The following SEPTIN12 variants were observed in gnomAD, a reference collection of about 807,000 sequenced individuals.
SEPTIN12 encodes septin-12.
SEPTIN12 carries 42 observed loss-of-function variants against 37.7 expected under a neutral mutation model. The observed-to-expected ratio is 1.11, with a 90% confidence interval of 0.87 to 1.44. The LOEUF (loss-of-function observed/expected upper bound fraction) is 1.44. Ranked by LOEUF, SEPTIN12 falls within the 40% of genes most tolerant of loss-of-function variation. The pLI, the probability that SEPTIN12 is intolerant of heterozygous loss-of-function variation, is 0.00. For synonymous variants in SEPTIN12, 254 were observed against 196.7 expected (o/e 1.29, Z -2.44); for missense variants, 613 against 479.2 (o/e 1.28, Z -2.61).
At chr16:4,791,012 A>G (rs911104097), upstream of SEPTIN12, among the ~76,000 whole-genome samples, 12 of 152,194 alleles carry the variant, frequency 7.9e-5, no homozygotes, top group African/African-American at 2.9e-4. Context: ...TTAGTGGATG[A>G]ACAAATGGCT....
upstream of SEPTIN12, chr16:4,789,888 C>T (rs944871303): frequency 6.6e-6 from 1 of 151,396 alleles, no homozygotes; most frequent in African/African-American, 2.4e-5. Context: ...TTTCTTTTTT[C>T]TTTCTTTTCT....
chr16:4,787,036 T>C (rs976782363), intron 2 of SEPTIN12, among the ~76,000 whole-genome samples: 1 of 152,006 alleles, frequency 6.6e-6, no homozygotes, highest in Non-Finnish European at 1.5e-5. Context: ...CCACCACGCC[T>C]GGCAAATTTT....
At position 4,787,579 on chromosome 16, in the gene SEPTIN12, G is replaced by T. The variant is rs769580169; in HGVS notation, c.67C>A (p.Pro23Thr). The change falls in exon 2 of 10, where the codon CCC becomes ACC. Residue 23 changes from proline to threonine, a missense_variant. Physicochemically the swap from Pro to Thr is conservative, Grantham distance 38 (BLOSUM62 -1). Transcript: ENST00000268231. ...CCCACAGGACCAAGCATCTCGCAGG[G>T]TGGGGTGCTGGGGCTGGAGGGCTGC... ...SSQPSSPSTP[P>T]CEMLGPVGIE... The T allele has an allele frequency of 4.3e-6, 7 of 1,609,372 alleles. No individual in the cohort carries two copies. Among genetic ancestry groups the T allele is most frequent in the Non-Finnish European group, 5.9e-6 (7 of 1,179,710 alleles).
intron 4 of SEPTIN12, 49 bp downstream of exon 4, chr16:4,785,750 CCTGGGTGA>C: frequency 7.6e-7 from 1 of 1,307,236 alleles, no homozygotes; most frequent in East Asian, 2.3e-5. Context: ...TGCACTCCAG[CCTGGGTGA>C]CAAGAGTGAA....
chr16:4,789,909 CTTTCTTTTT>C (rs1271902139), upstream of SEPTIN12: 1 of 132,396 alleles, frequency 7.6e-6, no homozygotes, highest in Non-Finnish European at 1.5e-5. Flanking sequence ...CCTTTCTTTT[CTTTCTTTTT>C]TTTTTTTCTT....
At chr16:4,785,746 C>G (rs1204421789) in intron 4 of SEPTIN12, 61 bp downstream of exon 4, 2 of 1,283,558 alleles carry the variant, frequency 1.6e-6, no homozygotes, top group Non-Finnish European at 2.3e-6. Flanking sequence ...CCATTGCACT[C>G]CAGCCTGGGT....
chr16:4,788,920 G>A (rs7203234), upstream of SEPTIN12: 152,333 of 152,340 alleles, frequency 1, 76,163 homozygotes, highest in Middle Eastern at 1. Context: ...TATCTTAGAG[G>A]TTATCACCCT....
At chr16:4,783,161 G>T (rs550229851) in intron 7 of SEPTIN12, among the ~76,000 whole-genome samples, 1 of 152,048 alleles carries the variant, frequency 6.6e-6, no homozygotes, top group Non-Finnish European at 1.5e-5. Flanking sequence ...TGCCTGCCTC[G>T]GCCTCCCAAA....
upstream of SEPTIN12, among the ~76,000 whole-genome samples, chr16:4,790,528 G>A (rs949390074): frequency 2.0e-5 from 3 of 152,186 alleles, no homozygotes; most frequent in African/African-American, 7.2e-5. Flanking sequence ...GTTGACTCAT[G>A]CTTGTAATCC....
At chr16:4,781,262 A>C (rs1427147297) in intron 7 of SEPTIN12, among the ~76,000 whole-genome samples, 1 of 151,282 alleles carries the variant, frequency 6.6e-6, no homozygotes, top group Non-Finnish European at 1.5e-5. Context: ...CCATCTAAAA[A>C]AAAAAAAAAG....
At chr16:4,785,058 C>G (rs1020517140) in intron 4 of SEPTIN12, among the ~76,000 whole-genome samples, 1 of 151,986 alleles carries the variant, frequency 6.6e-6, no homozygotes, top group Non-Finnish European at 1.5e-5. Context: ...ACCAGCCTGG[C>G]CAACGTGGTG....
Position 4,783,791 on chromosome 16 carries a change from G to C in SEPTIN12, c.513-25C>G. On this transcript the variant is annotated intron_variant, in intron 5 of 9. Transcript: ENST00000268231. ...GCTGCCGGAGGCAGGGCAGTGATGGGGGTGGCGGTGGTGGTGAGTGTATAA... is the reference window on the plus strand; with the variant it reads ...GCTGCCGGAGGCAGGGCAGTGATGGCGGTGGCGGTGGTGGTGAGTGTATAA... The C allele has an allele frequency of 3.7e-6, 6 of 1,608,920 alleles. No homozygotes were observed. In the South Asian group the frequency reaches 6.6e-5, roughly 18 times the overall value.
rs2082435449 is a variant in SEPTIN12 at position 4,785,894 on chromosome 16, G to GA, written c.293-7dup. 6.2e-7 allele frequency: 1 copy of GA among 1,613,304 alleles called. No homozygotes were observed. Among genetic ancestry groups the GA allele is most frequent in the Non-Finnish European group, 8.5e-7 (1 of 1,179,412 alleles). ...CACACCCTTCTCCTCTATGACTGTGGAGGGAGAGCAGAGTCGGGAGAGACT... is the reference window on the plus strand; with the variant it reads ...CACACCCTTCTCCTCTATGACTGTGGAAGGGAGAGCAGAGTCGGGAGAGACT... On this transcript the variant is annotated splice_polypyrimidine_tract_variant and splice_region_variant and intron_variant, in intron 3 of 9. Coordinates refer to ENST00000268231, the MANE Select transcript of SEPTIN12 (RefSeq NM_144605.5).
chr16:4,789,860 A>C (rs936220600), upstream of SEPTIN12: 1 of 150,824 alleles, frequency 6.6e-6, no homozygotes, highest in Non-Finnish European at 1.5e-5. Flanking sequence ...TGTCCTTGCT[A>C]TTGGCAAATG....
chr16:4,790,544 C>T (rs1389661646), upstream of SEPTIN12, among the ~76,000 whole-genome samples: 1 of 152,238 alleles, frequency 6.6e-6, no homozygotes, highest in Non-Finnish European at 1.5e-5. Context: ...AATCCCAGCA[C>T]TTCAGGAGGC....
intron 5 of SEPTIN12, 51 bp from the exon 6 acceptor site, chr16:4,783,817 A>T (rs1457265344): frequency 6.3e-7 from 1 of 1,581,042 alleles, no homozygotes; most frequent in Non-Finnish European, 8.7e-7. Flanking sequence ...GAGTGTATAA[A>T]CGACAGCAGC....
Position 4,777,908 on chromosome 16 carries a change from G to A in SEPTIN12, c.966C>T (p.Pro322=). ...VIRLNESHLL[P]RGPGWVNLAP... Reference sequence around the variant, plus strand: ...CCAGGTTCACCCAGCCGGGCCCGCGGGGCAGCAGGTGGCTTTCATTGAGTC... The same window carrying A: ...CCAGGTTCACCCAGCCGGGCCCGCGAGGCAGCAGGTGGCTTTCATTGAGTC... Residue 322 remains proline, a synonymous_variant, in exon 10 of 10, where the codon CCC becomes CCT. Coordinates refer to ENST00000268231, the MANE Select transcript of SEPTIN12 (RefSeq NM_144605.5). 1.2e-6 allele frequency: 2 copies of A among 1,602,920 alleles called. No individual in the cohort carries two copies. Among genetic ancestry groups the A allele is most frequent in the Non-Finnish European group, 1.7e-6 (2 of 1,175,354 alleles).
chr16:4,791,818 G>C (rs1220064153), upstream of SEPTIN12, among the ~76,000 whole-genome samples: 2 of 152,104 alleles, frequency 1.3e-5, no homozygotes, highest in Admixed American at 6.6e-5. Flanking sequence ...TTCCCGAGTA[G>C]CTGGGATTAC....
At position 4,787,648 on chromosome 16, in the gene SEPTIN12, G is replaced by A. The variant is rs1199321442; in HGVS notation, c.-3C>T. 5 of 1,562,214 alleles carry A rather than the reference G, an allele frequency of 3.2e-6. No individual in the cohort carries two copies. The highest frequency in any genetic ancestry group is 4.3e-6 in the Non-Finnish European group (5 of 1,151,294). On this transcript the variant is annotated 5_prime_UTR_variant, in exon 2 of 10. Transcript: ENST00000268231. ...GGGGAGCGCCTCAGGGGGTCCATGG[G>A]GGCCAAGGGTTCGAGATGCCTGTCA...
Sources: gnomAD v4.1 joint callset for allele counts (sites outside exome capture counted in the v4.1 genomes callset) on GRCh38, gnomAD v4.1.1 for gene constraint, MANE v1.5 for transcripts, NCBI Gene and HGNC (gene_info 2026-07-23, HGNC 2026-07-21) for gene names.